RIGI: variants seen among roughly 807,000 people sequenced by gnomAD.
The protein encoded by RIGI is antiviral innate immune response receptor RIG-I.
At chr9:32,469,777 ACC>A in the RIGI span, among the ~76,000 whole-genome samples, 1 of 152,228 alleles carries the variant, frequency 6.6e-6, no homozygotes, top group African/African-American at 2.4e-5. Context: ...CATGGCGGAC[ACC>A]CAAAATGGTG....
the RIGI span, among the ~76,000 whole-genome samples, chr9:32,460,293 T>C: frequency 6.6e-6 from 1 of 152,178 alleles, no homozygotes; most frequent in Non-Finnish European, 1.5e-5. Context: ...AACAGACTAA[T>C]ACAGCCCCCA....
chr9:32,471,203 G>T, the RIGI span, among the ~76,000 whole-genome samples: 54,833 of 152,124 alleles, frequency 0.36, 10,330 homozygotes, highest in South Asian at 0.47. Context: ...AGTGAGCTGA[G>T]TTCGTGCCAC....
the RIGI span, chr9:32,492,614 T>C: frequency 1.9e-6 from 3 of 1,541,132 alleles, no homozygotes; most frequent in Non-Finnish European, 8.9e-7. Flanking sequence ...TGAAGAAATG[T>C]CAGTCATGTA....
the RIGI span, among the ~76,000 whole-genome samples, chr9:32,465,511 C>T: frequency 5.9e-5 from 9 of 152,136 alleles, no homozygotes; most frequent in Non-Finnish European, 1.0e-4. Context: ...TTATGCCAGG[C>T]GCTAAGAGAT....
At chr9:32,506,215 CTCAA>C in the RIGI span, among the ~76,000 whole-genome samples, 18 of 152,248 alleles carry the variant, frequency 1.2e-4, no homozygotes, top group Admixed American at 2.0e-4. Flanking sequence ...GAGACTCTGT[CTCAA>C]TCAATCAATC....
the RIGI span, among the ~76,000 whole-genome samples, chr9:32,464,247 A>G: frequency 3.7e-4 from 56 of 151,116 alleles, no homozygotes; most frequent in African/African-American, 1.4e-3. Flanking sequence ...TAAAACCCAT[A>G]TACAGGGACC....
At chr9:32,468,072 C>A in the RIGI span, 11 of 717,236 alleles carry the variant, frequency 1.5e-5, no homozygotes, top group African/African-American at 1.8e-5. Flanking sequence ...CACAACACAC[C>A]TAGGCAGTGG....
At chr9:32,476,122 A>G in the RIGI span, among the ~76,000 whole-genome samples, 9 of 152,176 alleles carry the variant, frequency 5.9e-5, no homozygotes, top group Non-Finnish European at 1.2e-4. Context: ...CTAATGAGGT[A>G]TCATTACCTA....
chr9:32,500,844 C>A, the RIGI span: 5 of 1,614,028 alleles, frequency 3.1e-6, no homozygotes, highest in Non-Finnish European at 4.2e-6. Flanking sequence ...CGGAACCAGC[C>A]TTCCTCCTGG....
the RIGI span, chr9:32,466,580 TA>T: frequency 9.4e-6 from 7 of 748,478 alleles, no homozygotes; most frequent in Non-Finnish European, 1.4e-5. Flanking sequence ...GTTGAGCTGT[TA>T]AAGAGTGAAC....
chr9:32,466,014 G>T, the RIGI span, among the ~76,000 whole-genome samples: 2 of 152,162 alleles, frequency 1.3e-5, no homozygotes, highest in Admixed American at 1.3e-4. Context: ...GTTTTTTCCA[G>T]TATTAGGATA....
At chr9:32,466,469 T>C in the RIGI span, 1 of 1,563,648 alleles carries the variant, frequency 6.4e-7, no homozygotes, top group Non-Finnish European at 8.6e-7. Flanking sequence ...TTTTAGTTGG[T>C]GTTTTTGACT....
At chr9:32,516,625 A>G in the RIGI span, among the ~76,000 whole-genome samples, 323 of 152,302 alleles carry the variant, frequency 2.1e-3, 1 homozygote, top group African/African-American at 6.9e-3. Context: ...TGGCCCAGAC[A>G]GCAAGATCTG....
chr9:32,498,964 C>T, the RIGI span, among the ~76,000 whole-genome samples: 1 of 126,600 alleles, frequency 7.9e-6, no homozygotes, highest in Non-Finnish European at 1.6e-5. Flanking sequence ...GCCTGGGCAA[C>T]AGAGCGAGAC....
the RIGI span, chr9:32,466,467 G>A: frequency 2.6e-5 from 40 of 1,565,106 alleles, no homozygotes; most frequent in Non-Finnish European, 3.4e-5. Context: ...TATTTTAGTT[G>A]GTGTTTTTGA....
At chr9:32,513,797 C>T in the RIGI span, among the ~76,000 whole-genome samples, 1 of 152,158 alleles carries the variant, frequency 6.6e-6, no homozygotes, top group South Asian at 2.1e-4. Flanking sequence ...AGGCAAACTA[C>T]AGAATGAGAG....
At chr9:32,476,862 T>G in the RIGI span, 29 of 852,360 alleles carry the variant, frequency 3.4e-5, no homozygotes, top group Middle Eastern at 2.7e-4. Context: ...CCCCAAGCAA[T>G]TCTCCTGCCT....
At chr9:32,488,232 T>G in the RIGI span, 3 of 1,607,098 alleles carry the variant, frequency 1.9e-6, no homozygotes, top group Non-Finnish European at 1.7e-6. Context: ...TCCATATTAC[T>G]AACCACGATG....
chr9:32,458,335 A>T, the RIGI span, among the ~76,000 whole-genome samples: 2 of 152,252 alleles, frequency 1.3e-5, no homozygotes, highest in African/African-American at 4.8e-5. Context: ...AGTGATCCAT[A>T]GCCCAAAAGG....
Sources: gnomAD v4.1 joint callset for allele counts (sites outside exome capture counted in the v4.1 genomes callset) on GRCh38, gnomAD v4.1.1 for gene constraint, MANE v1.5 for transcripts, NCBI Gene and HGNC (gene_info 2026-07-23, HGNC 2026-07-21) for gene names.